The following HMCN2 variants were observed in gnomAD, a reference collection of about 807,000 sequenced individuals.
HMCN2 encodes hemicentin-2.
HMCN2 carries 325 observed loss-of-function variants against 377.5 expected under a neutral mutation model. That is an observed-to-expected ratio of 0.86 (90% CI 0.79 to 0.94). HMCN2 has a LOEUF of 0.94. HMCN2 is among the 40% of genes least tolerant of loss of function. The pLI, the probability that HMCN2 is intolerant of heterozygous loss-of-function variation, is 0.00. For synonymous variants in HMCN2, 2,007 were observed against 2,046.8 expected (o/e 0.98, Z 0.53); for missense variants, 4,543 against 4,725.3 (o/e 0.96, Z 1.13).
At chr9:130,410,159 G>A (rs1843336024) in intron 84 of HMCN2, among the ~76,000 whole-genome samples, 1 of 152,214 alleles carries the variant, frequency 6.6e-6, no homozygotes, top group African/African-American at 2.4e-5. Flanking sequence ...GATTTCCAAA[G>A]TACCATAACA....
At chr9:130,305,437 G>A (rs1554936364) in intron 11 of HMCN2, among the ~76,000 whole-genome samples, 2 of 152,116 alleles carry the variant, frequency 1.3e-5, no homozygotes. Context: ...GCAGTGCCAA[G>A]AGCACCCATC....
At chr9:130,356,590 T>A (rs11244332) in intron 34 of HMCN2, among the ~76,000 whole-genome samples, 28,371 of 152,196 alleles carry the variant, frequency 0.19, 3,344 homozygotes, top group African/African-American at 0.33. Flanking sequence ...TGCCCAGAAC[T>A]TTCTCCCTCC....
At chr9:130,396,147 C>G in intron 72 of HMCN2, 22 bp from the exon 73 acceptor site, 2 of 1,261,468 alleles carry the variant, frequency 1.6e-6, no homozygotes, top group South Asian at 2.5e-5. Flanking sequence ...CCCAGCACCA[C>G]TCCCTCTGTG....
At chr9:130,272,795 C>A (rs1205498448) in intron 1 of HMCN2, among the ~76,000 whole-genome samples, 1 of 151,904 alleles carries the variant, frequency 6.6e-6, no homozygotes, top group Non-Finnish European at 1.5e-5. Context: ...TGGGCTCAAG[C>A]GGTCCACCCA....
At chr9:130,282,600 C>T (rs989331257) in intron 1 of HMCN2, among the ~76,000 whole-genome samples, 8 of 152,242 alleles carry the variant, frequency 5.3e-5, no homozygotes, top group African/African-American at 1.4e-4. Flanking sequence ...GCAGAGGGGC[C>T]GGGGCCACGG....
intron 25 of HMCN2, among the ~76,000 whole-genome samples, chr9:130,344,846 T>C (rs1044084396): frequency 4.5e-4 from 67 of 148,318 alleles, no homozygotes; most frequent in Non-Finnish European, 8.4e-4. Context: ...GTGTGTGTAG[T>C]GTTTGGTATA....
rs1840462396 is a variant in HMCN2, at chr9:130,362,917, C to A, written c.6159C>A (p.Asp2053Glu). The change falls in exon 40 of 98, where the codon GAC (aspartate) becomes GAA (glutamate). Residue 2053 changes from aspartate (D) to glutamate (E), a missense_variant. Around this residue, in one of 5 missense-constraint regions of HMCN2, gnomAD observed 1,032 missense variants for 1,285.1 expected, o/e 0.80. Transcript: ENST00000683500. ...VLTLASARAS[D>E]SGRYSCVAVS... The stretch of plus-strand genomic sequence containing the variant: ...CCTTGGCTAGTGCCCGGGCCTCCGA[C>A]TCTGGGAGGTACTCCTGCGTGGCTG... 1 of 985,816 alleles carries A rather than the reference C, an allele frequency of 1.0e-6. No individual in the cohort carries two copies. Among genetic ancestry groups the A allele is most frequent in the South Asian group, 4.7e-5 (1 of 21,294 alleles). The allele number at this position is 985,816 out of a possible 1,614,324, so 61.1% of individuals were successfully genotyped here.
intron 22 of HMCN2, among the ~76,000 whole-genome samples, chr9:130,329,398 C>T (rs1564788103): frequency 6.6e-6 from 1 of 150,586 alleles, no homozygotes; most frequent in African/African-American, 2.4e-5. Flanking sequence ...TTGATGTGCA[C>T]TGGGGCTGTT....
rs979139417 is a variant in HMCN2, at chr9:130,430,390, C to T, written c.14433C>T (p.Asp4811=). ...LCPPGQTLLR[D]GKACTSLERN... The stretch of plus-strand genomic sequence containing the variant: ...CCCCAGGCCAGACCCTCCTTCGCGA[C>T]GGCAAGGCCTGCACCTCACTGGAGC... The change falls in exon 95 of 98, where the codon GAC becomes GAT. Residue 4811 remains aspartate (D), a synonymous_variant. Transcript: ENST00000683500. 67 of 1,550,178 alleles carry T rather than the reference C, an allele frequency of 4.3e-5. No individual in the cohort carries two copies. Among genetic ancestry groups the T allele is most frequent in the Middle Eastern group, 1.7e-4 (1 of 6,014 alleles).
chr9:130,378,797 C>T (rs1324063192), intron 53 of HMCN2, among the ~76,000 whole-genome samples: 1 of 152,086 alleles, frequency 6.6e-6, no homozygotes, highest in African/African-American at 2.4e-5. Flanking sequence ...GTTATGTTAC[C>T]TGGGGACAAC....
chr9:130,382,097 G>C (rs764853670), intron 54 of HMCN2, 87 bp from the exon 55 acceptor site: 7 of 407,034 alleles, frequency 1.7e-5, no homozygotes, highest in Non-Finnish European at 2.3e-5. Context: ...ACATGTCCCA[G>C]GTCCACTCCA....
At chr9:130,333,295 G>A (rs1198400791) in intron 22 of HMCN2, among the ~76,000 whole-genome samples, 5 of 152,180 alleles carry the variant, frequency 3.3e-5, no homozygotes, top group African/African-American at 1.2e-4. Flanking sequence ...ATTGCCTGGG[G>A]CAGCAGGGAA....
At position 130,433,768 on chromosome 9, in the gene HMCN2, C is replaced by T; in HGVS notation, c.*75C>T. On this transcript the variant is annotated 3_prime_UTR_variant, in exon 98 of 98. Transcript: ENST00000683500. Reference sequence around the variant, plus strand: ...TCGAGGAGAAGCTTGGTCCACGCCACCTGCTGTGGCAAGCGGAGCGTCATC... The same window carrying T: ...TCGAGGAGAAGCTTGGTCCACGCCATCTGCTGTGGCAAGCGGAGCGTCATC... The T allele has an allele frequency of 1.7e-6, 2 of 1,188,638 alleles. No individual in the cohort carries two copies. The highest frequency in any genetic ancestry group is 2.2e-6 in the Non-Finnish European group (2 of 890,072). 73.6% of individuals were successfully genotyped at this position (1,188,638 alleles called of 1,614,324 possible).
chr9:130,279,890 A>G (rs1032683488), intron 1 of HMCN2, among the ~76,000 whole-genome samples: 5 of 152,218 alleles, frequency 3.3e-5, no homozygotes, highest in African/African-American at 1.2e-4. Context: ...TATCCAGGTG[A>G]GCCCTTTATA....
rs782697468 is a variant in HMCN2 at position 130,275,799 on chromosome 9, CCTT to C, written c.260-8798_260-8796del. Among the ~76,000 whole-genome samples, 11 of 152,244 alleles carry C rather than the reference CCTT, an allele frequency of 7.2e-5. No homozygotes were observed. The East Asian group carries it at 1.2e-3, about 16-fold the overall frequency. On this transcript the variant is annotated intron_variant, in intron 1 of 97. Coordinates refer to ENST00000683500, the MANE Select transcript of HMCN2 (RefSeq NM_001291815.2). ...GCCTCATGAAATAGAAACCATCAGT[CCTT>C]CTTCTGAGGGGAAAATTCACTCTCT...
chr9:130,425,610 C>A, intron 89 of HMCN2, 77 bp from the exon 90 acceptor site: 1 of 1,035,776 alleles, frequency 9.7e-7, no homozygotes, highest in East Asian at 2.7e-5. Context: ...CAGCATTTTC[C>A]TCCTCCCCTT....
chr9:130,294,158 G>A (rs1835975049), intron 4 of HMCN2, among the ~76,000 whole-genome samples: 1 of 152,146 alleles, frequency 6.6e-6, no homozygotes, highest in South Asian at 2.1e-4. Flanking sequence ...TATCTCTGAG[G>A]GAGTTTGGGA....
At position 130,358,516 on chromosome 9, in the gene HMCN2, G is replaced by A. The variant is rs541467619; in HGVS notation, c.5677+30G>A. 5.0e-4 allele frequency: 656 copies of A among 1,304,342 alleles called. 4 individuals carry two copies. In the African/African-American group the frequency reaches 8.5e-3, roughly 17 times the overall value. The allele number at this position is 1,304,342 out of a possible 1,614,324, so 80.8% of individuals were successfully genotyped here. On this transcript the variant is annotated intron_variant, in intron 36 of 97. Coordinates refer to ENST00000683500, the MANE Select transcript of HMCN2 (RefSeq NM_001291815.2). ...GGACGTGGGTAACCAGCAGGGCCCAGGCCAGCATGTTGGGTGATCCCTTGG... is the reference window on the plus strand; with the variant it reads ...GGACGTGGGTAACCAGCAGGGCCCAAGCCAGCATGTTGGGTGATCCCTTGG...
intron 1 of HMCN2, among the ~76,000 whole-genome samples, chr9:130,280,832 G>A (rs971511505): frequency 3.4e-4 from 51 of 152,090 alleles, no homozygotes; most frequent in African/African-American, 1.2e-3. Context: ...TTGGCCAGGC[G>A]CAGTGGCTCA....
Sources: allele counts gnomAD v4.1 joint callset (sites outside exome capture counted in the v4.1 genomes callset), GRCh38; gene constraint gnomAD v4.1.1; regional missense constraint gnomAD v4.1.1; transcripts MANE v1.5; gene names NCBI Gene and HGNC (gene_info 2026-07-23, HGNC 2026-07-21).